Variants in SEMA6D observed in about 807,000 individuals in gnomAD.
SEMA6D encodes semaphorin 6D, also known as semaphorin-6D.
Under a neutral mutation model 106.6 loss-of-function variants are expected in SEMA6D, and 35 were observed. The ratio of observed to expected loss-of-function variants is 0.33; its 90% confidence interval spans 0.25 to 0.44. The LOEUF is 0.44. Ranked by LOEUF, SEMA6D falls within the 20% of genes least tolerant of loss-of-function variation. The pLI, the probability that SEMA6D is intolerant of heterozygous loss-of-function variation, is 1.00. For missense variants in SEMA6D, 1,185 were observed against 1,345.9 expected, an observed-to-expected ratio of 0.88 and a Z score of 1.87; for synonymous variants, 499 against 487.7, an observed-to-expected ratio of 1.02 and a Z score of -0.31.
At chr15:47,384,519 C>G (rs8040191) in intron 1 of SEMA6D, among the ~76,000 whole-genome samples, 1 of 152,104 alleles carries the variant, frequency 6.6e-6, no homozygotes, top group Admixed American at 6.5e-5. Flanking sequence ...TTTCACTAAT[C>G]TGTGCAATGA....
intron 1 of SEMA6D, among the ~76,000 whole-genome samples, chr15:47,246,485 C>G (rs964261045): frequency 2.0e-5 from 3 of 152,148 alleles, no homozygotes; most frequent in African/African-American, 7.2e-5. Flanking sequence ...AGGTGTCCAA[C>G]AGGGTTGCAT....
rs374393543 is a variant in SEMA6D, at chr15:47,722,041, G to A, written c.-55+4349G>A. Among the ~76,000 whole-genome samples the A allele has an allele frequency of 2.6e-5, 4 of 152,052 alleles. No homozygotes were observed. In the East Asian group the frequency reaches 5.8e-4, roughly 22 times the overall value. On this transcript the variant is annotated intron_variant, in intron 1 of 18. Transcript: ENST00000536845. ...GGTAACTAAAGTTAACACCCAGAAC[G>A]GGAAGTTTCCATTGTTTGGCAACCT...
intron 2 of SEMA6D, among the ~76,000 whole-genome samples, chr15:47,425,915 A>G (rs965295310): frequency 6.6e-6 from 1 of 151,828 alleles, no homozygotes; most frequent in African/African-American, 2.4e-5. Flanking sequence ...CCTAATAAAC[A>G]CCTGTTCTAA....
At chr15:47,531,750 G>A (rs1453393023) in intron 3 of SEMA6D, among the ~76,000 whole-genome samples, 1 of 152,158 alleles carries the variant, frequency 6.6e-6, no homozygotes, top group African/African-American at 2.4e-5. Flanking sequence ...AGCTCTGGCT[G>A]ATTCCAGCCT....
chr15:47,558,629 A>G (rs1596316326), intron 3 of SEMA6D, among the ~76,000 whole-genome samples: 1 of 152,086 alleles, frequency 6.6e-6, no homozygotes. Flanking sequence ...TCAGTCAGGG[A>G]ATCATTTACT....
At chr15:47,467,819 G>A (rs1304454774) in intron 2 of SEMA6D, among the ~76,000 whole-genome samples, 2 of 152,126 alleles carry the variant, frequency 1.3e-5, no homozygotes, top group Non-Finnish European at 2.9e-5. Context: ...TAGTAAATGT[G>A]CCTGCTCCAT....
chr15:47,589,100 G>A (rs148307195), intron 3 of SEMA6D, among the ~76,000 whole-genome samples: 12 of 152,254 alleles, frequency 7.9e-5, no homozygotes, highest in South Asian at 2.1e-4. Context: ...GCAGCCCTCC[G>A]CTGTGAGTAG....
chr15:47,663,017 G>A (rs1056236617), intron 4 of SEMA6D, among the ~76,000 whole-genome samples: 2 of 152,184 alleles, frequency 1.3e-5, no homozygotes, highest in African/African-American at 4.8e-5. Context: ...GGCTGAAAAG[G>A]TAAGTTGAAA....
chr15:47,530,844 A>G (rs1312587803), intron 3 of SEMA6D, among the ~76,000 whole-genome samples: 1 of 152,180 alleles, frequency 6.6e-6, no homozygotes, highest in African/African-American at 2.4e-5. Flanking sequence ...AAAACCTCTC[A>G]TAGCCTCAGT....
intron 2 of SEMA6D, among the ~76,000 whole-genome samples, chr15:47,464,677 A>G (rs1426307544): frequency 6.6e-6 from 1 of 152,152 alleles, no homozygotes; most frequent in Non-Finnish European, 1.5e-5. Context: ...AATTATTTAT[A>G]GTCCTCCATG....
chr15:47,260,878 C>G (rs754382367), intron 1 of SEMA6D, among the ~76,000 whole-genome samples: 12 of 152,146 alleles, frequency 7.9e-5, no homozygotes, highest in Non-Finnish European at 1.5e-4. Context: ...GGACAGTAAG[C>G]CTAACTGGCT....
At position 47,421,139 on chromosome 15, in the gene SEMA6D, C is replaced by T. The variant is rs530034389; in HGVS notation, c.-159+8667C>T. On this transcript the variant is annotated intron_variant, in intron 2 of 19. Transcript: ENST00000558014. Reference sequence around the variant, plus strand: ...GTTAAAATTATTCACTTTTCATCCTCACCTGTACCATTGGTTATTTCTTTA... The same window carrying T: ...GTTAAAATTATTCACTTTTCATCCTTACCTGTACCATTGGTTATTTCTTTA... Among the ~76,000 whole-genome samples, 76 of 152,140 alleles carry T rather than the reference C, an allele frequency of 5.0e-4. 1 individual carries two copies. The highest frequency in any genetic ancestry group is 3.3e-4 in the Admixed American group (5 of 15,260).
intron 1 of SEMA6D, among the ~76,000 whole-genome samples, chr15:47,241,077 G>A (rs549421116): frequency 6.6e-6 from 1 of 152,250 alleles, no homozygotes; most frequent in South Asian, 2.1e-4. Flanking sequence ...GCAAGGAAGG[G>A]ACCGAGCTGA....
At chr15:47,263,293 A>G (rs1184913031) in intron 1 of SEMA6D, among the ~76,000 whole-genome samples, 7 of 152,216 alleles carry the variant, frequency 4.6e-5, no homozygotes, top group African/African-American at 1.7e-4. Flanking sequence ...TTTGCAAACT[A>G]TGCATCTGAC....
At chr15:47,510,619 A>G (rs1335802814) in intron 3 of SEMA6D, among the ~76,000 whole-genome samples, 50 of 152,198 alleles carry the variant, frequency 3.3e-4, no homozygotes, top group Admixed American at 3.2e-3. Flanking sequence ...CATATATAAG[A>G]TAATTACCAA....
At chr15:47,216,933 C>A (rs1416753214) in intron 1 of SEMA6D, among the ~76,000 whole-genome samples, 1 of 152,112 alleles carries the variant, frequency 6.6e-6, no homozygotes, top group African/African-American at 2.4e-5. Flanking sequence ...AAATTCATTT[C>A]TTGAAATCCT....
intron 4 of SEMA6D, among the ~76,000 whole-genome samples, chr15:47,646,528 G>T (rs1290540621): frequency 6.6e-6 from 1 of 152,178 alleles, no homozygotes; most frequent in African/African-American, 2.4e-5. Flanking sequence ...GATTTTTAGA[G>T]TGGAAAGAAG....
intron 18 of SEMA6D, 94 bp downstream of exon 18, chr15:47,768,842 C>A: frequency 8.0e-7 from 1 of 1,252,182 alleles, no homozygotes; most frequent in Non-Finnish European, 1.1e-6. Context: ...GTGGGCCTCA[C>A]AGGAGCTTCT....
At chr15:47,436,594 A>G (rs948255068) in intron 2 of SEMA6D, among the ~76,000 whole-genome samples, 6 of 150,588 alleles carry the variant, frequency 4.0e-5, no homozygotes, top group African/African-American at 1.2e-4. Context: ...ATGATGCAGA[A>G]AAAATGCTAT....
Sources: gnomAD v4.1 joint callset for allele counts (sites outside exome capture counted in the v4.1 genomes callset) on GRCh38, gnomAD v4.1.1 for gene constraint, MANE v1.5 for transcripts, NCBI Gene and HGNC (gene_info 2026-07-23, HGNC 2026-07-21) for gene names.